TTC28: variants seen among roughly 807,000 people sequenced by gnomAD.
The protein encoded by TTC28 is tetratricopeptide repeat domain 28.
TTC28 carries 61 observed loss-of-function variants against 198.0 expected under a neutral mutation model. The ratio of observed to expected loss-of-function variants is 0.31; its 90% CI spans 0.25 to 0.38. The LOEUF (loss-of-function observed/expected upper bound fraction) is 0.38, where lower values mean the gene tolerates loss of function less well. Among genes scored for constraint, TTC28 ranks in the 10% least tolerant of loss-of-function variants. The pLI is 1.00. For synonymous variants in TTC28, 1,171 were observed against 1,297.8 expected, an observed-to-expected ratio of 0.90 and a Z score of 2.10; for missense variants, 2,678 against 3,164.0, an observed-to-expected ratio of 0.85 and a Z score of 3.69.
At chr22:28,467,936 C>CT (rs890487153) in intron 2 of TTC28, among the ~76,000 whole-genome samples, 18 of 148,580 alleles carry the variant, frequency 1.2e-4, no homozygotes, top group African/African-American at 2.2e-4. Context: ...TAATTTTTTT[C>CT]TTTTTTTTTT....
intron 2 of TTC28, among the ~76,000 whole-genome samples, chr22:28,308,010 A>G (rs1432545607): frequency 6.6e-6 from 1 of 152,194 alleles, no homozygotes; most frequent in Admixed American, 6.5e-5. Context: ...GAGGTAATTT[A>G]AGAGAGGCAA....
intron 14 of TTC28, among the ~76,000 whole-genome samples, chr22:28,003,025 G>A (rs1329812382): frequency 6.6e-6 from 1 of 152,198 alleles, no homozygotes; most frequent in African/African-American, 2.4e-5. Flanking sequence ...TTCCCAAGAG[G>A]AGGTAAATTA....
intron 12 of TTC28, among the ~76,000 whole-genome samples, chr22:28,081,508 T>C (rs940590914): frequency 1.0e-3 from 153 of 151,820 alleles, no homozygotes; most frequent in Middle Eastern, 3.4e-3. Context: ...TTTTTTTTTT[T>C]TTTAGGTGGA....
At chr22:28,204,597 G>A (rs939802907) in intron 5 of TTC28, among the ~76,000 whole-genome samples, 2 of 151,884 alleles carry the variant, frequency 1.3e-5, no homozygotes, top group South Asian at 2.1e-4. Context: ...TCATCACTCC[G>A]TGAAAGACTA....
intron 5 of TTC28, among the ~76,000 whole-genome samples, chr22:28,247,258 C>T (rs189121872): frequency 1.1e-4 from 17 of 152,172 alleles, no homozygotes; most frequent in African/African-American, 4.1e-4. Context: ...GCTCTTCAAT[C>T]ACAGAAAATT....
At chr22:28,166,858 C>T (rs756108454) in intron 5 of TTC28, among the ~76,000 whole-genome samples, 1 of 151,986 alleles carries the variant, frequency 6.6e-6, no homozygotes, top group Non-Finnish European at 1.5e-5. Context: ...CACAAAAAAC[C>T]CTTCAAAACA....
chr22:28,545,013 T>C (rs915277954), intron 2 of TTC28, among the ~76,000 whole-genome samples: 1 of 149,478 alleles, frequency 6.7e-6, no homozygotes, highest in African/African-American at 2.4e-5. Flanking sequence ...TTTTATTCCT[T>C]TACTTTCTTA....
chr22:28,123,097 T>C (rs1160448721), intron 6 of TTC28, among the ~76,000 whole-genome samples: 3 of 152,318 alleles, frequency 2.0e-5, no homozygotes, highest in South Asian at 4.1e-4. Flanking sequence ...GCAAAAGCCA[T>C]CTTACAACAC....
intron 19 of TTC28, among the ~76,000 whole-genome samples, chr22:27,992,309 C>A (rs1937443351): frequency 6.6e-6 from 1 of 152,118 alleles, no homozygotes; most frequent in Non-Finnish European, 1.5e-5. Context: ...CATGACAATG[C>A]CAATAGCAGC....
chr22:28,288,189 A>T (rs988823196), intron 5 of TTC28, among the ~76,000 whole-genome samples: 1 of 152,214 alleles, frequency 6.6e-6, no homozygotes, highest in African/African-American at 2.4e-5. Context: ...TAAGCAAAAC[A>T]GATACTATTA....
intron 2 of TTC28, among the ~76,000 whole-genome samples, chr22:28,591,653 T>C (rs537689315): frequency 6.6e-6 from 1 of 152,312 alleles, no homozygotes; most frequent in Non-Finnish European, 1.5e-5. Context: ...CCCAGTTCCC[T>C]CCAATGGTTT....
intron 5 of TTC28, among the ~76,000 whole-genome samples, chr22:28,168,789 A>G (rs1922318438): frequency 6.6e-6 from 1 of 152,252 alleles, no homozygotes; most frequent in African/African-American, 2.4e-5. Flanking sequence ...AAAACACCAA[A>G]AGCAATGGCA....
At chr22:28,663,511 T>A (rs1249378414) in intron 1 of TTC28, among the ~76,000 whole-genome samples, 2 of 139,902 alleles carry the variant, frequency 1.4e-5, no homozygotes, top group African/African-American at 5.4e-5. Context: ...GGGAGTTCCC[T>A]TTCCGAGTCA....
chr22:28,531,810 C>G (rs577031841), intron 2 of TTC28, among the ~76,000 whole-genome samples: 240 of 152,318 alleles, frequency 1.6e-3, no homozygotes, highest in Non-Finnish European at 2.9e-3. Flanking sequence ...TGAATGACTA[C>G]TGGGTACATA....
Position 28,182,968 on chromosome 22 carries a change from C to T in TTC28, c.934-19369G>A, listed in dbSNP as rs561126023. ...ACTAGGATCTACTTTTCTCCTCAAG[C>T]AGCCCTTAAGGAAATCTGGCACTCT... On this transcript the variant is annotated intron_variant, in intron 5 of 22. Transcript: ENST00000397906. Among the ~76,000 whole-genome samples the T allele has an allele frequency of 2.5e-3, 382 of 152,074 alleles. 3 individuals carry two copies. The highest frequency in any genetic ancestry group is 0.017 in the Middle Eastern group (5 of 290).
intron 2 of TTC28, among the ~76,000 whole-genome samples, chr22:28,480,003 A>C (rs1823103183): frequency 6.6e-6 from 1 of 152,216 alleles, no homozygotes; most frequent in African/African-American, 2.4e-5. Flanking sequence ...CATCAGACTG[A>C]GCATCTCCTT....
chr22:28,605,296 T>G (rs369102490), intron 2 of TTC28, among the ~76,000 whole-genome samples: 3 of 152,196 alleles, frequency 2.0e-5, no homozygotes, highest in Admixed American at 6.5e-5. Flanking sequence ...AATTCTCCTC[T>G]TAGATCAACA....
chr22:28,306,178 A>G (rs2045141025), intron 3 of TTC28, among the ~76,000 whole-genome samples: 1 of 152,210 alleles, frequency 6.6e-6, no homozygotes, highest in Admixed American at 6.5e-5. Context: ...GACTACAGAA[A>G]AACTATAAGG....
chr22:28,553,358 C>T (rs2049725508), intron 2 of TTC28, among the ~76,000 whole-genome samples: 1 of 151,556 alleles, frequency 6.6e-6, no homozygotes, highest in Admixed American at 6.6e-5. Context: ...TCTTCCCAGC[C>T]GACATCCCAT....
Sources: gnomAD v4.1 joint callset for allele counts (sites outside exome capture counted in the v4.1 genomes callset) on GRCh38, gnomAD v4.1.1 for gene constraint, MANE v1.5 for transcripts, NCBI Gene and HGNC (gene_info 2026-07-23, HGNC 2026-07-21) for gene names.